The following SPOPL variants were observed in gnomAD, a reference collection of about 807,000 sequenced individuals.
SPOPL encodes speckle type BTB/POZ protein like, also known as speckle-type POZ protein-like.
Under a neutral mutation model 53.8 loss-of-function variants are expected in SPOPL, and 23 were observed. The observed-to-expected ratio is 0.43, with a 90% CI of 0.31 to 0.61. The LOEUF is 0.61. SPOPL is among the 20% of genes least tolerant of loss of function. The pLI is 0.12. For synonymous variants in SPOPL, 164 were observed against 149.7 expected (o/e 1.10, Z -0.70); for missense variants, 442 against 466.9 (o/e 0.95, Z 0.49).
intron 1 of SPOPL, among the ~76,000 whole-genome samples, chr2:138,514,231 A>G (rs1419295476): frequency 6.6e-6 from 1 of 152,190 alleles, no homozygotes; most frequent in Non-Finnish European, 1.5e-5. Context: ...GGTTTTATAC[A>G]TTTTAGGGAG....
At chr2:138,560,956 A>G (rs1188354187) in intron 8 of SPOPL, 29 bp downstream of exon 8, 2 of 1,592,394 alleles carry the variant, frequency 1.3e-6, no homozygotes, top group East Asian at 2.2e-5. Context: ...AGGAACCAAA[A>G]TATACCCTCA....
At chr2:138,523,617 G>A (rs1036312210) in intron 1 of SPOPL, among the ~76,000 whole-genome samples, 3 of 152,160 alleles carry the variant, frequency 2.0e-5, no homozygotes, top group African/African-American at 7.2e-5. Flanking sequence ...TACAGTGGGG[G>A]TACAGGCATT....
At chr2:138,535,555 C>CTTTTTTTTTT (rs539254466) in intron 1 of SPOPL, among the ~76,000 whole-genome samples, 4 of 86,946 alleles carry the variant, frequency 4.6e-5, no homozygotes, top group Admixed American at 1.2e-4. Context: ...ATTCTAGTAG[C>CTTTTTTTTTT]TTTTTTTTTT....
Position 138,564,781 on chromosome 2 carries a change from A to T in SPOPL, c.911A>T (p.Asp304Val), listed in dbSNP as rs1685623962. Residue 304 changes from aspartate to valine, a missense_variant, in exon 9 of 11, where the codon GAT (aspartate) becomes GTT (valine). Physicochemically the swap from Asp to Val is radical, Grantham distance 152. Coordinates refer to ENST00000280098, the MANE Select transcript of SPOPL (RefSeq NM_001001664.3). ...CSNLSVENVA[D>V]TLVLADLHSA... ...AACCTCTCAGTAGAGAATGTTGCAG[A>T]TACCCTTGTCCTTGCAGATTTGCAC... 6.2e-7 allele frequency: 1 copy of T among 1,614,070 alleles called. No homozygotes were observed. Among genetic ancestry groups the T allele is most frequent in the East Asian group, 2.2e-5 (1 of 44,886 alleles).
At chr2:138,542,604 C>A (rs568428074) in intron 1 of SPOPL, among the ~76,000 whole-genome samples, 49 of 152,186 alleles carry the variant, frequency 3.2e-4, no homozygotes, top group African/African-American at 1.2e-3. Context: ...CTTCCTCCAT[C>A]CCTTTATTTT....
At chr2:138,537,100 C>G (rs1424776179) in intron 1 of SPOPL, among the ~76,000 whole-genome samples, 2 of 152,182 alleles carry the variant, frequency 1.3e-5, no homozygotes, top group African/African-American at 4.8e-5. Flanking sequence ...AGCCCCTTAC[C>G]TCTTGGTTTC....
chr2:138,547,873 T>A (rs1045926337), intron 1 of SPOPL, among the ~76,000 whole-genome samples: 5 of 152,136 alleles, frequency 3.3e-5, no homozygotes, highest in Non-Finnish European at 7.4e-5. Flanking sequence ...ACTGTTTGAT[T>A]TTTTTTAGAT....
At position 138,550,927 on chromosome 2, in the gene SPOPL, A is replaced by T. The variant is rs764602941; in HGVS notation, c.225A>T (p.Gly75=). The stretch of plus-strand genomic sequence containing the variant: ...GGTGCCTGAGGGTAAACCCAAAGGG[A>T]TTAGATGATGAAAGTAAAGACTACT... ...MKWCLRVNPK[G]LDDESKDYLS... Residue 75 remains glycine, a synonymous_variant, in exon 4 of 11, where the codon GGA becomes GGT. Coordinates refer to ENST00000280098, the MANE Select transcript of SPOPL (RefSeq NM_001001664.3). 6.2e-7 allele frequency: 1 copy of T among 1,612,802 alleles called. No individual in the cohort carries two copies. The highest frequency in any genetic ancestry group is 8.5e-7 in the Non-Finnish European group (1 of 1,179,372).
chr2:138,529,374 G>T (rs1684749471), intron 1 of SPOPL, among the ~76,000 whole-genome samples: 1 of 152,036 alleles, frequency 6.6e-6, no homozygotes. Flanking sequence ...TAATGAATAT[G>T]ATGTATTCTT....
intron 10 of SPOPL, among the ~76,000 whole-genome samples, chr2:138,568,304 C>G (rs1025976794): frequency 6.6e-6 from 1 of 152,026 alleles, no homozygotes; most frequent in Non-Finnish European, 1.5e-5. Flanking sequence ...TGCCAGATTT[C>G]CAGCTTGCAT....
At chr2:138,520,366 C>G (rs1250361958) in intron 1 of SPOPL, among the ~76,000 whole-genome samples, 1 of 152,132 alleles carries the variant, frequency 6.6e-6, no homozygotes, top group East Asian at 1.9e-4. Flanking sequence ...CTGGATGATC[C>G]TGTTCCTTTT....
chr2:138,565,360 C>G (rs1440007055), intron 10 of SPOPL, among the ~76,000 whole-genome samples: 1 of 152,154 alleles, frequency 6.6e-6, no homozygotes, highest in East Asian at 1.9e-4. Context: ...GCTGAGAAAG[C>G]CTTTACATTT....
chr2:138,522,834 A>G (rs1684587012), intron 1 of SPOPL, among the ~76,000 whole-genome samples: 1 of 152,234 alleles, frequency 6.6e-6, no homozygotes, highest in Non-Finnish European at 1.5e-5. Flanking sequence ...AATTAAAACT[A>G]CAAGATGGAC....
At position 138,560,936 on chromosome 2, in the gene SPOPL, T is replaced by A; in HGVS notation, c.837+9T>A. On this transcript the variant is annotated intron_variant, in intron 8 of 10. Transcript: ENST00000280098. The stretch of plus-strand genomic sequence containing the variant: ...TGGCAGCTGCAGACAAAGTAAGTAA[T>A]TAGGTCTTAAGGAACCAAAATATAC... 6.2e-7 allele frequency: 1 copy of A among 1,606,520 alleles called. No homozygotes were observed. The highest frequency in any genetic ancestry group is 8.5e-7 in the Non-Finnish European group (1 of 1,178,174).
At chr2:138,557,020 G>T (rs78099540) in intron 5 of SPOPL, among the ~76,000 whole-genome samples, 2 of 152,104 alleles carry the variant, frequency 1.3e-5, no homozygotes, top group East Asian at 1.9e-4. Context: ...GCTAGGAGTG[G>T]TGGCAGGCAC....
intron 1 of SPOPL, among the ~76,000 whole-genome samples, chr2:138,537,975 G>A (rs1004689358): frequency 4.0e-5 from 6 of 151,766 alleles, no homozygotes; most frequent in East Asian, 1.9e-4. Context: ...TCACATTTTC[G>A]GTTTCCTCTT....
At chr2:138,536,213 A>G (rs7586926) in intron 1 of SPOPL, among the ~76,000 whole-genome samples, 8,917 of 152,102 alleles carry the variant, frequency 0.059, 381 homozygotes, top group Middle Eastern at 0.11. Context: ...GTAATTTTCT[A>G]TTCAAAGCTG....
chr2:138,506,217 T>A (rs1006516635), intron 1 of SPOPL, among the ~76,000 whole-genome samples: 1 of 152,238 alleles, frequency 6.6e-6, no homozygotes, highest in African/African-American at 2.4e-5. Flanking sequence ...CTCAAACTTG[T>A]CTGTGTTGAA....
chr2:138,546,034 G>A (rs752806975), intron 1 of SPOPL, among the ~76,000 whole-genome samples: 2 of 152,134 alleles, frequency 1.3e-5, no homozygotes, highest in Non-Finnish European at 2.9e-5. Context: ...ACACCAGGAT[G>A]GTGGGTACAT....
Sources: allele counts gnomAD v4.1 joint callset (sites outside exome capture counted in the v4.1 genomes callset), GRCh38; gene constraint gnomAD v4.1.1; transcripts MANE v1.5; gene names NCBI Gene and HGNC (gene_info 2026-07-23, HGNC 2026-07-21).